The following RIPOR3 variants were observed in gnomAD, a reference collection of about 807,000 sequenced individuals.
RIPOR3 encodes the protein family with sequence similarity 65 member C.
RIPOR3 carries 95 observed loss-of-function variants against 114.3 expected under a neutral mutation model. The ratio of observed to expected loss-of-function variants is 0.83; its 90% CI spans 0.70 to 0.99. The LOEUF is 0.99. Among genes scored for constraint, RIPOR3 ranks in the 50% least tolerant of loss-of-function variants. RIPOR3 has a pLI of 0.00. For synonymous variants in RIPOR3, 575 were observed against 543.8 expected (o/e 1.06, Z -0.80); for missense variants, 1,252 against 1,266.9 (o/e 0.99, Z 0.18).
intron 1 of RIPOR3, among the ~76,000 whole-genome samples, chr20:50,632,472 G>C (rs1568897023): frequency 6.6e-6 from 1 of 152,220 alleles, no homozygotes; most frequent in Non-Finnish European, 1.5e-5. Context: ...GTGACCCAGG[G>C]AGAGCCAAGT....
chr20:50,678,079 T>C (rs2086734409), intron 1 of RIPOR3, among the ~76,000 whole-genome samples: 1 of 152,102 alleles, frequency 6.6e-6, no homozygotes, highest in African/African-American at 2.4e-5. Flanking sequence ...TGACTCCCCA[T>C]CTCATTTTCT....
At chr20:50,608,117 C>T (rs1271700051) in intron 11 of RIPOR3, among the ~76,000 whole-genome samples, 1 of 152,120 alleles carries the variant, frequency 6.6e-6, no homozygotes, top group Non-Finnish European at 1.5e-5. Context: ...CCCGGGAGGC[C>T]CCGGAAAGTG....
chr20:50,596,032 C>T lies in RIPOR3; in HGVS notation c.1914+108G>A, dbSNP rs544985389. 1.0e-4 allele frequency: 151 copies of T among 1,483,996 alleles called. 3 individuals are homozygous for T. In the South Asian group the frequency reaches 1.7e-3, roughly 17 times the overall value. The allele number at this position is 1,483,996 out of a possible 1,614,324, so 91.9% of individuals were successfully genotyped here. ...TTCAGTCTCACGGGCTTCCAGGATG[C>T]AGGTCTGTCACCCCTTCATGCTTCC... On this transcript the variant is annotated intron_variant, in intron 15 of 21. Transcript: ENST00000327979.
intron 4 of RIPOR3, among the ~76,000 whole-genome samples, chr20:50,615,145 G>GTGTGTGTGTT (rs2084120915): frequency 6.6e-6 from 1 of 150,532 alleles, no homozygotes; most frequent in Non-Finnish European, 1.5e-5. Flanking sequence ...GTGTGTGTGT[G>GTGTGTGTGTT]TTGCTAAGTC....
chr20:50,601,811 G>A (rs56187650), intron 13 of RIPOR3, among the ~76,000 whole-genome samples: 4,815 of 152,302 alleles, frequency 0.032, 99 homozygotes, highest in Non-Finnish European at 0.049. Flanking sequence ...GTCAGAAGGT[G>A]CGAGATGGGG....
At chr20:50,626,338 C>CA (rs2084619302) in intron 2 of RIPOR3, among the ~76,000 whole-genome samples, 1 of 152,274 alleles carries the variant, frequency 6.6e-6, no homozygotes. Context: ...CATCCTCTGG[C>CA]ATCCTTGACA....
At chr20:50,596,101 C>G in intron 15 of RIPOR3, 39 bp downstream of exon 15, 1 of 1,613,312 alleles carries the variant, frequency 6.2e-7, no homozygotes, top group Non-Finnish European at 8.5e-7. Context: ...CTCCAAACCC[C>G]TGTCTGCCCC....
chr20:50,645,586 C>T (rs1177621851), intron 1 of RIPOR3: 2 of 152,456 alleles, frequency 1.3e-5, no homozygotes, highest in African/African-American at 4.8e-5. Flanking sequence ...ACTGGGAACC[C>T]TGTGGGCATG....
intron 4 of RIPOR3, among the ~76,000 whole-genome samples, chr20:50,615,390 T>C (rs767159938): frequency 5.6e-4 from 85 of 151,710 alleles, no homozygotes; most frequent in Admixed American, 5.2e-3. Flanking sequence ...CTGGGCATGG[T>C]GGTGCATGCC....
chr20:50,596,704 T>G (rs1480709565), intron 14 of RIPOR3, among the ~76,000 whole-genome samples: 7 of 152,192 alleles, frequency 4.6e-5, no homozygotes, highest in Non-Finnish European at 1.0e-4. Context: ...CCCGACCCAC[T>G]CAGCCACTCA....
intron 2 of RIPOR3, among the ~76,000 whole-genome samples, chr20:50,628,361 T>C (rs1259170353): frequency 1.3e-5 from 2 of 152,222 alleles, no homozygotes; most frequent in South Asian, 2.1e-4. Context: ...CTGCAGCCCA[T>C]GAGGCTCCGC....
chr20:50,597,718 C>T lies in RIPOR3; in HGVS notation c.1660-8G>A, dbSNP rs116082339. On this transcript the variant is annotated splice_polypyrimidine_tract_variant and splice_region_variant and intron_variant, in intron 13 of 21. Transcript: ENST00000327979. ...CTGCCGTGCTCTGCAGGGCTGTGGA[C>T]GAAGTGGCCAGACCTGAGGGCAACA... 1.5e-3 allele frequency: 2,370 copies of T among 1,611,640 alleles called. 22 individuals are homozygous for T. In the African/African-American group the frequency reaches 0.024, roughly 16 times the overall value.
intron 1 of RIPOR3, among the ~76,000 whole-genome samples, chr20:50,685,714 G>A (rs570101703): frequency 3.6e-5 from 5 of 137,650 alleles, no homozygotes; most frequent in Admixed American, 2.9e-4. Context: ...CTAGCTACTC[G>A]GGAGGCTGAG....
intron 1 of RIPOR3, among the ~76,000 whole-genome samples, chr20:50,680,722 T>A (rs1038165418): frequency 6.6e-6 from 1 of 152,028 alleles, no homozygotes; most frequent in Non-Finnish European, 1.5e-5. Context: ...CAGACCAGAG[T>A]GGACACTTGC....
intron 3 of RIPOR3, among the ~76,000 whole-genome samples, chr20:50,617,496 T>G (rs2123135133): frequency 6.6e-6 from 1 of 152,210 alleles, no homozygotes; most frequent in African/African-American, 2.4e-5. Flanking sequence ...ATTCCCATGC[T>G]GGTCTTGAAC....
chr20:50,589,645 G>C, intron 20 of RIPOR3, 41 bp downstream of exon 20: 1 of 1,600,390 alleles, frequency 6.2e-7, no homozygotes, highest in South Asian at 1.1e-5. Context: ...ACCACAAGCA[G>C]GCTTTTCTAT....
At chr20:50,596,360 G>A in intron 14 of RIPOR3, 97 bp from the exon 15 acceptor site, 2 of 1,544,584 alleles carry the variant, frequency 1.3e-6, no homozygotes, top group Non-Finnish European at 1.8e-6. Context: ...CCCAGGTCAG[G>A]AGGCCCACTC....
rs142282417 is a variant in RIPOR3 at position 50,587,389 on chromosome 20, C to G, written c.2753-57G>C. ...GGATCCTGCCTTGGCACTTCCAACT[C>G]TCCTGGGCCAGGGTGGCCCTAGTGC... On this transcript the variant is annotated intron_variant, in intron 21 of 21. Coordinates refer to ENST00000327979, the MANE Select transcript of RIPOR3 (RefSeq NM_001290268.2). 234 of 1,478,752 alleles carry G rather than the reference C, an allele frequency of 1.6e-4. 1 individual carries two copies. In the African/African-American group the frequency reaches 2.7e-3, roughly 17 times the overall value. The allele number at this position is 1,478,752 out of a possible 1,614,324, so 91.6% of individuals were successfully genotyped here.
intron 1 of RIPOR3, chr20:50,637,014 T>C: frequency 1.3e-6 from 1 of 749,308 alleles, no homozygotes; most frequent in Non-Finnish European, 1.6e-6. Flanking sequence ...TCCTTTGGTT[T>C]CGCATGAAAG....
Sources: allele counts gnomAD v4.1 joint callset (sites outside exome capture counted in the v4.1 genomes callset), GRCh38; gene constraint gnomAD v4.1.1; transcripts MANE v1.5; gene names NCBI Gene and HGNC (gene_info 2026-07-23, HGNC 2026-07-21).